The following PPP4R3B variants were observed in gnomAD, a reference collection of about 807,000 sequenced individuals.
The protein encoded by PPP4R3B is serine/threonine-protein phosphatase 4 regulatory subunit 3B.
Under a neutral mutation model 95.4 loss-of-function variants are expected in PPP4R3B, and 52 were observed. That is an observed-to-expected ratio of 0.54 (90% CI 0.44 to 0.69). The LOEUF (loss-of-function observed/expected upper bound fraction) is 0.69, where lower values mean the gene tolerates loss of function less well. PPP4R3B is among the 30% of genes least tolerant of loss of function. The pLI is 0.00. For synonymous variants in PPP4R3B, 407 were observed against 343.9 expected (o/e 1.18, Z -2.03); for missense variants, 1,003 against 1,005.9 (o/e 1.00, Z 0.04).
At chr2:55,609,902 G>C (rs1693937954) in intron 2 of PPP4R3B, among the ~76,000 whole-genome samples, 1 of 152,124 alleles carries the variant, frequency 6.6e-6, no homozygotes, top group South Asian at 2.1e-4. Context: ...CCTCTAGCAA[G>C]GGAAACTGTA....
intron 2 of PPP4R3B, among the ~76,000 whole-genome samples, chr2:55,610,650 G>C (rs1694036668): frequency 1.3e-5 from 2 of 152,178 alleles, no homozygotes; most frequent in South Asian, 4.1e-4. Context: ...TCTCAGTCAA[G>C]AATCTTACCC....
rs755193885 is a variant in PPP4R3B at position 55,577,320 on chromosome 2, C to G, written c.1601G>C (p.Cys534Ser). ...AAGTATGAATTCATACTTACCGGGA[C>G]AAATTGTGTTGTTTTTGTTTGATCC... ...IVGSNKNNTICPDNYQTAQLL... is the reference protein window; with the variant it reads ...IVGSNKNNTISPDNYQTAQLL... Residue 534 changes from cysteine to serine, a missense_variant, in exon 11 of 17, where the codon TGT becomes TCT. Physicochemically the swap from Cys to Ser is moderately radical, Grantham distance 112. Around this residue, in one of 3 missense-constraint regions of PPP4R3B, gnomAD observed 695 missense variants for 686.2 expected, o/e 1.01. Coordinates refer to ENST00000616407, the MANE Select transcript of PPP4R3B (RefSeq NM_001122964.3). 1.9e-6 allele frequency: 3 copies of G among 1,547,924 alleles called. No homozygotes were observed. The highest frequency in any genetic ancestry group is 2.6e-6 in the Non-Finnish European group (3 of 1,153,618).
intron 9 of PPP4R3B, among the ~76,000 whole-genome samples, 192 bp from the exon 10 acceptor site, chr2:55,578,534 AT>A (rs1689004469): frequency 6.6e-6 from 1 of 152,058 alleles, no homozygotes; most frequent in African/African-American, 2.4e-5. Context: ...TTTTGTACCC[AT>A]TCACCTTGAT....
chr2:55,553,949 T>C (rs1005714140), intron 16 of PPP4R3B, among the ~76,000 whole-genome samples: 3 of 152,168 alleles, frequency 2.0e-5, no homozygotes, highest in Non-Finnish European at 4.4e-5. Flanking sequence ...ATGTTTTCAA[T>C]TTTCTTACAA....
chr2:55,558,881 G>C lies in PPP4R3B; in HGVS notation c.2348C>G (p.Ala783Gly), dbSNP rs1686206055. ...KFTFSHSASA[A>G]NGTNSKSVVA... Reference sequence around the variant, plus strand: ...TACAGATTTACTGTTTGTTCCATTAGCAGCACTGGCAGAGTGGGAGAAAGT... The same window carrying C: ...TACAGATTTACTGTTTGTTCCATTACCAGCACTGGCAGAGTGGGAGAAAGT... The change falls in exon 16 of 17, where the codon GCT becomes GGT. Residue 783 changes from alanine (A) to glycine (G), a missense_variant. This residue lies in a region of PPP4R3B where 229 missense variants were observed against 194.7 expected (regional missense o/e 1.18). Coordinates refer to ENST00000616407, the MANE Select transcript of PPP4R3B (RefSeq NM_001122964.3). 6.2e-7 allele frequency: 1 copy of C among 1,614,006 alleles called. No homozygotes were observed. Among genetic ancestry groups the C allele is most frequent in the Admixed American group, 1.7e-5 (1 of 60,010 alleles).
At chr2:55,599,172 T>A in intron 3 of PPP4R3B, 133 bp from the exon 4 acceptor site, 1 of 831,258 alleles carries the variant, frequency 1.2e-6, no homozygotes, top group Non-Finnish European at 1.8e-6. Flanking sequence ...GCACGGTGGC[T>A]CACGCCTGTA....
At chr2:55,577,874 T>C (rs778001608) in intron 10 of PPP4R3B, among the ~76,000 whole-genome samples, 9 of 151,980 alleles carry the variant, frequency 5.9e-5, no homozygotes, top group Admixed American at 2.0e-4. Flanking sequence ...TAGGAATACA[T>C]TCTAGAGCAC....
intron 4 of PPP4R3B, 78 bp downstream of exon 4, chr2:55,598,338 G>A: frequency 2.2e-6 from 3 of 1,381,332 alleles, no homozygotes; most frequent in South Asian, 1.4e-5. Context: ...AAAAATAGAG[G>A]GTATAAACAC....
At chr2:55,591,463 A>T in intron 4 of PPP4R3B, 1 of 932,410 alleles carries the variant, frequency 1.1e-6, no homozygotes, top group Non-Finnish European at 1.3e-6. Flanking sequence ...AAATACTTTT[A>T]GTCTTAATAT....
chr2:55,582,442 C>G (rs1689571239), intron 7 of PPP4R3B, among the ~76,000 whole-genome samples: 1 of 152,130 alleles, frequency 6.6e-6, no homozygotes, highest in Non-Finnish European at 1.5e-5. Context: ...TTAGTAGAGA[C>G]TGTCCTGATT....
Position 55,573,624 on chromosome 2 carries a change from G to C in PPP4R3B, c.1760C>G (p.Ala587Gly). The C allele has an allele frequency of 1.3e-6, 2 of 1,534,348 alleles. No homozygotes were observed. The highest frequency in any genetic ancestry group is 1.8e-6 in the Non-Finnish European group (2 of 1,142,378). ...VLMNSKHTFL[A>G]LCALRFMRRI... The stretch of plus-strand genomic sequence containing the variant: ...TTAAAACATTTTATACTTACACAAG[G>C]CCAGAAAAGTGTGCTTTGAATTCAT... The change falls in exon 12 of 17, where the codon GCC (alanine) becomes GGC (glycine). Residue 587 changes from alanine to glycine, a missense_variant. This residue lies in a region of PPP4R3B where 79 missense variants were observed against 124.9 expected (regional missense o/e 0.63). Coordinates refer to ENST00000616407, the MANE Select transcript of PPP4R3B (RefSeq NM_001122964.3).
At chr2:55,607,888 G>A (rs528852638) in intron 2 of PPP4R3B, among the ~76,000 whole-genome samples, 1 of 152,338 alleles carries the variant, frequency 6.6e-6, no homozygotes, top group Admixed American at 6.5e-5. Context: ...GCCATCCAAT[G>A]CCTTTTCCAT....
At chr2:55,576,513 C>T (rs1260304763) in intron 11 of PPP4R3B, among the ~76,000 whole-genome samples, 27 of 151,876 alleles carry the variant, frequency 1.8e-4, no homozygotes, top group Middle Eastern at 3.4e-3. Flanking sequence ...GAGGCCGAGG[C>T]GGGTGGATCA....
intron 8 of PPP4R3B, 51 bp downstream of exon 8, chr2:55,581,516 C>T (rs372639284): frequency 5.2e-6 from 8 of 1,546,738 alleles, no homozygotes; most frequent in Non-Finnish European, 7.0e-6. Context: ...ATTACAAAGC[C>T]ACCTAAAACT....
chr2:55,607,309 A>G (rs1350549219), intron 2 of PPP4R3B, among the ~76,000 whole-genome samples: 1 of 152,152 alleles, frequency 6.6e-6, no homozygotes, highest in Non-Finnish European at 1.5e-5. Flanking sequence ...CAGATACCAC[A>G]GTTGAGGGCT....
In PPP4R3B at chr2:55,548,795, C is replaced by T. The variant is rs1684954604; in HGVS notation, c.*1116G>A. 1 of 152,580 alleles carries T rather than the reference C, an allele frequency of 6.6e-6. No individual in the cohort carries two copies. Among genetic ancestry groups the T allele is most frequent in the African/African-American group, 2.4e-5 (1 of 41,446 alleles). 9.5% of individuals were successfully genotyped at this position (152,580 alleles called of 1,614,324 possible). ...CTAACATTAAAATATTTACAGTTAA[C>T]TTGTTGCTCTAAAAATAAAACTTAA... On this transcript the variant is annotated 3_prime_UTR_variant, in exon 17 of 17. Coordinates refer to ENST00000616407, the MANE Select transcript of PPP4R3B (RefSeq NM_001122964.3).
intron 4 of PPP4R3B, among the ~76,000 whole-genome samples, chr2:55,589,890 T>C (rs1022631844): frequency 3.6e-5 from 5 of 139,160 alleles, no homozygotes; most frequent in Non-Finnish European, 7.6e-5. Flanking sequence ...TATTCCAGCC[T>C]GGACAAAAGA....
intron 4 of PPP4R3B, among the ~76,000 whole-genome samples, chr2:55,594,954 A>C (rs1691559494): frequency 6.6e-6 from 1 of 152,156 alleles, no homozygotes; most frequent in Non-Finnish European, 1.5e-5. Flanking sequence ...GAAACGTCGC[A>C]AAATGAAGTC....
chr2:55,553,336 T>C (rs1354196499), intron 16 of PPP4R3B, among the ~76,000 whole-genome samples: 1 of 152,172 alleles, frequency 6.6e-6, no homozygotes, highest in Admixed American at 6.5e-5. Flanking sequence ...ACTAGCTTTG[T>C]CTGTAAAAAT....
Sources: gnomAD v4.1 joint callset for allele counts (sites outside exome capture counted in the v4.1 genomes callset) on GRCh38, gnomAD v4.1.1 for gene constraint, gnomAD v4.1.1 regional missense constraint, MANE v1.5 for transcripts, NCBI Gene and HGNC (gene_info 2026-07-23, HGNC 2026-07-21) for gene names.